Variants in TENM4 observed in about 807,000 individuals in gnomAD.
TENM4 encodes teneurin transmembrane protein 4.
TENM4 carries 82 observed loss-of-function variants against 243.3 expected under a neutral mutation model. The ratio of observed to expected loss-of-function variants is 0.34; its 90% CI spans 0.28 to 0.40. The LOEUF is 0.40. Among genes scored for constraint, TENM4 ranks in the 10% least tolerant of loss-of-function variants. The probability of loss-of-function intolerance (pLI) is 1.00; values close to 1 mark genes in which losing one functional copy is unlikely to be tolerated. For synonymous variants in TENM4, 1,412 were observed against 1,456.3 expected (o/e 0.97, Z 0.69); for missense variants, 3,138 against 3,673.3 (o/e 0.85, Z 3.77).
chr11:79,308,309 G>T (rs1856660514), intron 1 of TENM4, among the ~76,000 whole-genome samples: 1 of 152,150 alleles, frequency 6.6e-6, no homozygotes, highest in Admixed American at 6.5e-5. Flanking sequence ...TATTCAAATA[G>T]CTATCAAAAT....
chr11:79,200,129 TAA>T (rs768447157), intron 3 of TENM4, among the ~76,000 whole-genome samples: 14 of 152,222 alleles, frequency 9.2e-5, no homozygotes, highest in Non-Finnish European at 1.8e-4. Flanking sequence ...TTCTGCCCTC[TAA>T]AAATAGCAGT....
chr11:79,253,945 G>C (rs534868151), intron 2 of TENM4, among the ~76,000 whole-genome samples: 2 of 152,270 alleles, frequency 1.3e-5, no homozygotes, highest in African/African-American at 4.8e-5. Flanking sequence ...TGGTCACACT[G>C]ATAGTTAAAG....
At chr11:79,145,424 T>C (rs577973783) in intron 4 of TENM4, among the ~76,000 whole-genome samples, 1 of 152,220 alleles carries the variant, frequency 6.6e-6, no homozygotes, top group Non-Finnish European at 1.5e-5. Flanking sequence ...GCAACCACCA[T>C]CCAGACTTCT....
Position 78,912,859 on chromosome 11 carries a change from C to G in TENM4, c.494-9336G>C, listed in dbSNP as rs79789355. Reference sequence around the variant, plus strand: ...ATGGGGCTTGCATAATTTGACTGGGCCACCATTTGAATCCAAAAGTAGAAC... The same window carrying G: ...ATGGGGCTTGCATAATTTGACTGGGGCACCATTTGAATCCAAAAGTAGAAC... On this transcript the variant is annotated intron_variant, in intron 6 of 33. Coordinates refer to ENST00000278550, the MANE Select transcript of TENM4 (RefSeq NM_001098816.3). Among the ~76,000 whole-genome samples, 1,319 of 152,288 alleles carry G rather than the reference C, an allele frequency of 8.7e-3. 13 individuals are homozygous for G. Among genetic ancestry groups the G allele is most frequent in the African/African-American group, 0.03 (1,259 of 41,554 alleles).
chr11:78,728,840 G>GA (rs1384592902), intron 22 of TENM4, among the ~76,000 whole-genome samples: 7 of 152,176 alleles, frequency 4.6e-5, no homozygotes, highest in Admixed American at 1.3e-4. Context: ...CAAGGGCCAA[G>GA]AGAGGCTAGG....
intron 1 of TENM4, among the ~76,000 whole-genome samples, chr11:79,354,268 G>A (rs559286577): frequency 2.6e-5 from 4 of 152,284 alleles, no homozygotes; most frequent in African/African-American, 9.6e-5. Context: ...GGAGATCTTC[G>A]GGGAAGGCAG....
intron 20 of TENM4, among the ~76,000 whole-genome samples, chr11:78,733,532 C>A (rs1005963341): frequency 3.9e-5 from 6 of 152,208 alleles, no homozygotes; most frequent in African/African-American, 1.2e-4. Flanking sequence ...CAGGACCCAG[C>A]CAGAAACATA....
intron 1 of TENM4, among the ~76,000 whole-genome samples, chr11:79,371,809 C>T (rs369338232): frequency 6.6e-6 from 1 of 152,222 alleles, no homozygotes; most frequent in East Asian, 1.9e-4. Flanking sequence ...TGATCACCTA[C>T]ATCACCAGCC....
At chr11:78,881,547 T>C (rs1396234347) in intron 9 of TENM4, among the ~76,000 whole-genome samples, 1 of 152,168 alleles carries the variant, frequency 6.6e-6, no homozygotes, top group African/African-American at 2.4e-5. Context: ...CCCTTCATGG[T>C]ATCCTAGAAC....
At chr11:79,157,150 A>C (rs1201994092) in intron 3 of TENM4, among the ~76,000 whole-genome samples, 1 of 152,168 alleles carries the variant, frequency 6.6e-6, no homozygotes, top group Non-Finnish European at 1.5e-5. Context: ...GTAGCAGTGC[A>C]GGACACAGAG....
chr11:78,864,476 AAGGTAGC>A (rs1565412964), intron 9 of TENM4, among the ~76,000 whole-genome samples: 3 of 149,362 alleles, frequency 2.0e-5, no homozygotes, highest in Non-Finnish European at 4.5e-5. Flanking sequence ...ATATTTTTCC[AAGGTAGC>A]AACTGCTAAA....
rs745340596 is a variant in TENM4, at chr11:78,676,305, C to A, written c.5343G>T (p.Gln1781His). The A allele has an allele frequency of 1.3e-5, 21 of 1,612,516 alleles. No individual in the cohort carries two copies. The Admixed American group carries it at 3.3e-4, about 26-fold the overall frequency. The stretch of plus-strand genomic sequence containing the variant: ...TGCCAGCCAGCAAGTGGGGCTCAGT[C>A]TGCAGCGCCACCTCCATGCCGTTGG... The part of the protein sequence containing the change: ...LLANGMEVAL[Q>H]TEPHLLAGTV... Residue 1781 changes from glutamine (Q) to histidine (H), a missense_variant, in exon 30 of 34, where the codon CAG becomes CAT. Physicochemically the swap from Gln to His is conservative, Grantham distance 24 (BLOSUM62 0). Transcript: ENST00000278550.
At chr11:78,855,316 G>T (rs960655601) in intron 11 of TENM4, among the ~76,000 whole-genome samples, 19 of 152,180 alleles carry the variant, frequency 1.2e-4, no homozygotes, top group Admixed American at 6.5e-5. Context: ...CAATTCCAGG[G>T]CTGGCAGGAC....
chr11:79,172,820 T>A (rs564465779), intron 3 of TENM4, among the ~76,000 whole-genome samples: 3 of 152,076 alleles, frequency 2.0e-5, no homozygotes, highest in Non-Finnish European at 4.4e-5. Context: ...TTTGTATTTT[T>A]AGTAGAGACG....
chr11:78,699,769 G>A (rs1228063107), intron 28 of TENM4, among the ~76,000 whole-genome samples: 3 of 152,218 alleles, frequency 2.0e-5, no homozygotes, highest in Non-Finnish European at 4.4e-5. Context: ...AGATTTCAGG[G>A]GTGGTGGAGC....
At chr11:79,180,393 T>C (rs1170559405) in intron 3 of TENM4, among the ~76,000 whole-genome samples, 1 of 151,746 alleles carries the variant, frequency 6.6e-6, no homozygotes, top group East Asian at 1.9e-4. Context: ...ATTCCAAAGG[T>C]TGAAGAAGCA....
intron 6 of TENM4, among the ~76,000 whole-genome samples, chr11:79,005,040 C>T (rs1335737079): frequency 6.8e-6 from 1 of 147,944 alleles, no homozygotes; most frequent in East Asian, 2.0e-4. Context: ...TCAAAACATA[C>T]AATGTCCCCA....
intron 17 of TENM4, among the ~76,000 whole-genome samples, chr11:78,778,104 C>T (rs953794432): frequency 1.8e-4 from 27 of 152,172 alleles, no homozygotes; most frequent in Non-Finnish European, 4.0e-4. Context: ...GGCGCAGGTG[C>T]CTAGTACACA....
At chr11:79,222,251 A>G (rs1330957735) in intron 2 of TENM4, among the ~76,000 whole-genome samples, 1 of 152,164 alleles carries the variant, frequency 6.6e-6, no homozygotes, top group African/African-American at 2.4e-5. Flanking sequence ...GAGAGCATGC[A>G]GCGTTTGGTT....
Sources: allele counts gnomAD v4.1 joint callset (sites outside exome capture counted in the v4.1 genomes callset), GRCh38; gene constraint gnomAD v4.1.1; transcripts MANE v1.5; gene names NCBI Gene and HGNC (gene_info 2026-07-23, HGNC 2026-07-21).